The following IGF2BP1 variants were observed in gnomAD, a reference collection of about 807,000 sequenced individuals.
IGF2BP1 encodes insulin like growth factor 2 mRNA binding protein 1, also known as insulin-like growth factor 2 mRNA-binding protein 1.
Under a neutral mutation model 74.9 loss-of-function variants are expected in IGF2BP1, and 11 were observed. That is an observed-to-expected ratio of 0.15 (90% confidence interval 0.09 to 0.24). The LOEUF is 0.24. Among genes scored for constraint, IGF2BP1 ranks in the 10% least tolerant of loss-of-function variants. The probability of loss-of-function intolerance (pLI) is 1.00; values close to 1 mark genes in which losing one functional copy is unlikely to be tolerated. For synonymous variants in IGF2BP1, 287 were observed against 281.8 expected (o/e 1.02, Z -0.18); for missense variants, 440 against 757.4 (o/e 0.58, Z 4.92).
At chr17:49,047,889 A>AT (rs975854392) in intron 14 of IGF2BP1, among the ~76,000 whole-genome samples, 3 of 151,744 alleles carry the variant, frequency 2.0e-5, no homozygotes, top group Admixed American at 1.3e-4. Flanking sequence ...TAATTTTTGT[A>AT]TTTTTTTGTA....
intron 11 of IGF2BP1, 114 bp from the exon 12 acceptor site, chr17:49,044,877 G>T: frequency 1.2e-6 from 1 of 845,248 alleles, no homozygotes; most frequent in Non-Finnish European, 2.0e-6. Flanking sequence ...CCTCCCCTAA[G>T]TCTTCAGAAT....
rs775671284 is a variant in IGF2BP1 at position 48,997,962 on chromosome 17, C to T, written c.175+42C>T. The T allele has an allele frequency of 8.1e-6, 13 of 1,598,680 alleles. No homozygotes were observed. The highest frequency in any genetic ancestry group is 1.1e-5 in the Non-Finnish European group (13 of 1,171,258). Reference sequence around the variant, plus strand: ...CTCCCGGAAAAGCCACAACGAGAGCCCCGAACAACGGAGACCCGCACCTTC... The same window carrying T: ...CTCCCGGAAAAGCCACAACGAGAGCTCCGAACAACGGAGACCCGCACCTTC... On this transcript the variant is annotated intron_variant, in intron 1 of 14. Transcript: ENST00000290341. The surrounding 1 kb of genome is among the most constrained non-coding windows in gnomAD (Gnocchi z 4.8).
chr17:49,002,875 C>T (rs1456389691), intron 2 of IGF2BP1, among the ~76,000 whole-genome samples: 1 of 151,988 alleles, frequency 6.6e-6, no homozygotes, highest in African/African-American at 2.4e-5. Flanking sequence ...GGTAGAAATC[C>T]TTAACTGTTC....
rs1329444499 is a variant in IGF2BP1 at position 49,055,039 on chromosome 17, T to C, written c.*5595T>C. 1 of 131,762 alleles carries C rather than the reference T, an allele frequency of 7.6e-6. No homozygotes were observed. Among genetic ancestry groups the C allele is most frequent in the Admixed American group, 9.3e-5 (1 of 10,772 alleles). 8.2% of individuals were successfully genotyped at this position (131,762 alleles called of 1,614,324 possible). On this transcript the variant is annotated 3_prime_UTR_variant, in exon 15 of 15. Coordinates refer to ENST00000290341, the MANE Select transcript of IGF2BP1 (RefSeq NM_006546.4). ...ACCTCTTAGCAAAACAATAGATAAATTAGGTAGTGGCAGCTCCACTTGCTT... is the reference window on the plus strand; with the variant it reads ...ACCTCTTAGCAAAACAATAGATAAACTAGGTAGTGGCAGCTCCACTTGCTT...
chr17:49,003,220 C>G (rs1416255292), intron 2 of IGF2BP1, among the ~76,000 whole-genome samples: 1 of 152,106 alleles, frequency 6.6e-6, no homozygotes, highest in Non-Finnish European at 1.5e-5. Flanking sequence ...AGGTTCTGAG[C>G]TTCTAATCTT....
intron 2 of IGF2BP1, among the ~76,000 whole-genome samples, chr17:49,023,208 G>C (rs572046375): frequency 6.6e-6 from 1 of 152,190 alleles, no homozygotes; most frequent in African/African-American, 2.4e-5. Context: ...ATGGCATCTG[G>C]GGACCTGGAA....
At chr17:49,014,941 T>C (rs1217124766) in intron 2 of IGF2BP1, 1 of 985,090 alleles carries the variant, frequency 1.0e-6, no homozygotes, top group Non-Finnish European at 1.2e-6. Context: ...AGAGCCCGAC[T>C]CTGTCTGTTT....
At chr17:49,030,167 A>C (rs1186702223) in intron 4 of IGF2BP1, among the ~76,000 whole-genome samples, 2 of 137,718 alleles carry the variant, frequency 1.5e-5, no homozygotes, top group Admixed American at 7.6e-5. Context: ...TTTGAGATAG[A>C]GTCTCGCTTT....
chr17:49,009,779 A>G lies in IGF2BP1; in HGVS notation c.236+10610A>G, dbSNP rs1020070298. 4.0e-5 allele frequency among the ~76,000 whole-genome samples: 6 copies of G among 151,552 alleles called. 1 individual carries two copies. Among genetic ancestry groups the G allele is most frequent in the South Asian group, 4.2e-4 (2 of 4,808 alleles). On this transcript the variant is annotated intron_variant, in intron 2 of 14. Coordinates refer to ENST00000290341, the MANE Select transcript of IGF2BP1 (RefSeq NM_006546.4). ...ACCATCTTAACCATTTTAAGTATAT[A>G]GTTTTGTGACATAAACATACCTGGG...
chr17:49,024,614 A>G (rs916253987), intron 2 of IGF2BP1, among the ~76,000 whole-genome samples: 1 of 152,156 alleles, frequency 6.6e-6, no homozygotes, highest in Non-Finnish European at 1.5e-5. Flanking sequence ...GAAAGGTATT[A>G]TCTCTGTTTT....
intron 14 of IGF2BP1, among the ~76,000 whole-genome samples, chr17:49,048,463 G>A (rs1294986337): frequency 6.6e-6 from 1 of 151,972 alleles, no homozygotes; most frequent in Admixed American, 6.6e-5. Flanking sequence ...GTGTTGGCCA[G>A]TCTGCTCTCG....
chr17:49,008,791 TG>T (rs1483293961), intron 2 of IGF2BP1, among the ~76,000 whole-genome samples: 12 of 152,058 alleles, frequency 7.9e-5, no homozygotes, highest in Admixed American at 7.9e-4. Context: ...TGAAATGCCA[TG>T]GGAGAAAACA....
intron 2 of IGF2BP1, among the ~76,000 whole-genome samples, chr17:49,018,531 G>A (rs927674843): frequency 6.6e-6 from 1 of 151,950 alleles, no homozygotes; most frequent in African/African-American, 2.4e-5. Flanking sequence ...GTTAGGGAGT[G>A]TGCCTTTACT....
chr17:49,038,260 A>T lies in IGF2BP1; in HGVS notation c.494A>T (p.Asn165Ile). ...GAGCAGATAGCACAGGGACCTGAGAATGGGCGCCGAGGGGGCTTTGGCTCT... is the reference window on the plus strand; with the variant it reads ...GAGCAGATAGCACAGGGACCTGAGATTGGGCGCCGAGGGGGCTTTGGCTCT... ...PDEQIAQGPE[N>I]GRRGGFGSRG... The change falls in exon 6 of 15, where the codon AAT becomes ATT. Residue 165 changes from asparagine to isoleucine, a missense_variant. Coordinates refer to ENST00000290341, the MANE Select transcript of IGF2BP1 (RefSeq NM_006546.4). The T allele has an allele frequency of 6.3e-7, 1 of 1,599,152 alleles. No individual in the cohort carries two copies. The highest frequency in any genetic ancestry group is 1.3e-5 in the African/African-American group (1 of 74,604).
intron 5 of IGF2BP1, among the ~76,000 whole-genome samples, chr17:49,035,694 G>A (rs557600093): frequency 6.6e-6 from 1 of 152,324 alleles, no homozygotes; most frequent in South Asian, 2.1e-4. Flanking sequence ...TCTCCCCTGG[G>A]CGGCCGCCCA....
chr17:49,010,129 A>G (rs974029482), intron 2 of IGF2BP1, among the ~76,000 whole-genome samples: 1 of 152,120 alleles, frequency 6.6e-6, no homozygotes, highest in African/African-American at 2.4e-5. Context: ...TTGTTGTGCA[A>G]CCATCACCTT....
At chr17:49,004,296 T>C (rs191786008) in intron 2 of IGF2BP1, among the ~76,000 whole-genome samples, 2 of 118,186 alleles carry the variant, frequency 1.7e-5, no homozygotes, top group African/African-American at 8.2e-5. Flanking sequence ...ACGAGAGGGT[T>C]CCCCCTCACC....
chr17:49,042,651 T>C (rs1002223623), intron 9 of IGF2BP1, among the ~76,000 whole-genome samples: 3 of 152,140 alleles, frequency 2.0e-5, no homozygotes, highest in African/African-American at 7.2e-5. Flanking sequence ...TTTATTGAAA[T>C]GAGGGGGTCC....
chr17:48,997,691 C>G lies in IGF2BP1; in HGVS notation c.-55C>G. 2 of 1,575,982 alleles carry G rather than the reference C, an allele frequency of 1.3e-6. No individual in the cohort carries two copies. Among genetic ancestry groups the G allele is most frequent in the Non-Finnish European group, 1.7e-6 (2 of 1,158,470 alleles). On this transcript the variant is annotated 5_prime_UTR_variant, in exon 1 of 15. Transcript: ENST00000290341. This position sits in a 1 kb window ranked among gnomAD's most constrained non-coding sequence, Gnocchi z 4.8. ...CTCTTGGCCTAGGAGGCTCGCCGCC[C>G]GCGCCCGCTCGTTCGGCCTTGCCCG...
Sources: gnomAD v4.1 joint callset for allele counts (sites outside exome capture counted in the v4.1 genomes callset) on GRCh38, gnomAD v4.1.1 for gene constraint, Gnocchi (gnomAD v3.1) non-coding constraint, MANE v1.5 for transcripts, NCBI Gene and HGNC (gene_info 2026-07-23, HGNC 2026-07-21) for gene names.